XKR9: variants seen among roughly 807,000 people sequenced by gnomAD.
XKR9 encodes the protein XK-related protein 9.
Under a neutral mutation model 32.0 loss-of-function variants are expected in XKR9, and 32 were observed. The observed-to-expected ratio is 1.00, with a 90% CI of 0.76 to 1.34. The LOEUF (loss-of-function observed/expected upper bound fraction) is 1.34. Ranked by LOEUF, XKR9 falls within the 40% of genes most tolerant of loss-of-function variation. The pLI is 0.00. For missense variants in XKR9, 546 were observed against 429.7 expected, an observed-to-expected ratio of 1.27 and a Z score of -2.39; for synonymous variants, 168 against 143.4, an observed-to-expected ratio of 1.17 and a Z score of -1.22.
chr8:71,041,500 T>A, the XKR9 span, among the ~76,000 whole-genome samples: 1 of 152,176 alleles, frequency 6.6e-6, no homozygotes, highest in Admixed American at 6.5e-5. Context: ...CTATAATATA[T>A]GGCCCTAAAT....
At chr8:70,857,854 A>G in the XKR9 span, among the ~76,000 whole-genome samples, 3 of 152,216 alleles carry the variant, frequency 2.0e-5, no homozygotes, top group Non-Finnish European at 2.9e-5. Context: ...AACAGAACCA[A>G]TGACAAAAAC....
the XKR9 span, among the ~76,000 whole-genome samples, chr8:71,037,063 C>A: frequency 6.6e-6 from 1 of 151,934 alleles, no homozygotes; most frequent in Admixed American, 6.6e-5. Flanking sequence ...CAAGGGAGCA[C>A]CATGTTTGAA....
chr8:71,055,058 C>T, the XKR9 span, among the ~76,000 whole-genome samples: 3 of 152,032 alleles, frequency 2.0e-5, no homozygotes, highest in Admixed American at 1.3e-4. Flanking sequence ...AATGATGTCC[C>T]AGCCTAACAA....
At chr8:70,908,781 A>T in the XKR9 span, among the ~76,000 whole-genome samples, 2 of 152,222 alleles carry the variant, frequency 1.3e-5, no homozygotes, top group African/African-American at 4.8e-5. Flanking sequence ...ACCATTAAAG[A>T]TGTTAATAAC....
At chr8:70,674,587 G>C (rs1223968962) in intron 1 of XKR9, among the ~76,000 whole-genome samples, 1 of 152,144 alleles carries the variant, frequency 6.6e-6, no homozygotes, top group African/African-American at 2.4e-5. Flanking sequence ...GTATTTTCTT[G>C]ACTTATTTGA....
the XKR9 span, among the ~76,000 whole-genome samples, chr8:71,038,723 A>T: frequency 6.8e-6 from 1 of 147,864 alleles, no homozygotes; most frequent in South Asian, 2.2e-4. Context: ...CTCATGAATA[A>T]TTGTCCTAGC....
At chr8:70,965,582 G>T in the XKR9 span, among the ~76,000 whole-genome samples, 1 of 152,042 alleles carries the variant, frequency 6.6e-6, no homozygotes, top group East Asian at 1.9e-4. Context: ...CTGGTCCTGG[G>T]TTTTTTTGTT....
chr8:71,008,429 T>G, the XKR9 span, among the ~76,000 whole-genome samples: 4 of 152,182 alleles, frequency 2.6e-5, no homozygotes, highest in African/African-American at 9.7e-5. Flanking sequence ...ATAAGTTTGC[T>G]GTCATTCTTC....
At chr8:70,939,993 A>C in the XKR9 span, among the ~76,000 whole-genome samples, 1 of 152,062 alleles carries the variant, frequency 6.6e-6, no homozygotes, top group South Asian at 2.1e-4. Context: ...AATTTACCCA[A>C]AGCTAGTATG....
chr8:70,757,082 C>T (rs1352805697), intron 2 of XKR9, among the ~76,000 whole-genome samples: 1 of 151,838 alleles, frequency 6.6e-6, no homozygotes, highest in East Asian at 1.9e-4. Flanking sequence ...AATTCTTTTT[C>T]TGTGTCTATT....
At chr8:70,878,222 C>T in the XKR9 span, among the ~76,000 whole-genome samples, 5 of 152,058 alleles carry the variant, frequency 3.3e-5, no homozygotes, top group East Asian at 1.9e-4. Context: ...TAAAGACCAT[C>T]GATGCTATGA....
chr8:70,775,808 A>G (rs941823406), intron 2 of XKR9, among the ~76,000 whole-genome samples: 10 of 151,434 alleles, frequency 6.6e-5, no homozygotes, highest in African/African-American at 9.7e-5. Flanking sequence ...ACAGTGGCGC[A>G]ATCATGGCTC....
intron 4 of XKR9, among the ~76,000 whole-genome samples, chr8:70,715,099 T>G (rs567460928): frequency 6.6e-6 from 1 of 152,266 alleles, no homozygotes; most frequent in East Asian, 1.9e-4. Context: ...ACATTGGGAA[T>G]AAAAGGGCTG....
At chr8:70,715,684 A>T (rs569039223) in intron 4 of XKR9, among the ~76,000 whole-genome samples, 1 of 152,334 alleles carries the variant, frequency 6.6e-6, no homozygotes, top group Admixed American at 6.5e-5. Flanking sequence ...ATTTCAGAGA[A>T]GCAAAGAAAG....
At chr8:70,725,861 G>A (rs111388212) in intron 4 of XKR9, among the ~76,000 whole-genome samples, 1 of 152,212 alleles carries the variant, frequency 6.6e-6, no homozygotes, top group African/African-American at 2.4e-5. Flanking sequence ...AGCCTAGATT[G>A]CATCACTGTA....
chr8:70,795,231 T>C (rs1434667452), downstream of XKR9, among the ~76,000 whole-genome samples: 2 of 152,156 alleles, frequency 1.3e-5, no homozygotes, highest in Admixed American at 1.3e-4. Flanking sequence ...ACATACGATA[T>C]TTGGTTTTCT....
At chr8:70,740,255 C>T (rs928931467), downstream of XKR9, among the ~76,000 whole-genome samples, 61 of 152,296 alleles carry the variant, frequency 4.0e-4, no homozygotes, top group Non-Finnish European at 7.1e-4. Flanking sequence ...TCCAGTTGAT[C>T]GCATTGGCTC....
downstream of XKR9, among the ~76,000 whole-genome samples, chr8:70,794,341 A>G (rs1807801637): frequency 6.6e-6 from 1 of 151,894 alleles, no homozygotes; most frequent in African/African-American, 2.4e-5. Context: ...GATCCCTTTT[A>G]TTTCTTTCTC....
At chr8:70,828,553 G>A in the XKR9 span, among the ~76,000 whole-genome samples, 1 of 151,864 alleles carries the variant, frequency 6.6e-6, no homozygotes, top group Non-Finnish European at 1.5e-5. Flanking sequence ...GTGAAACCCC[G>A]TCTCTACTAA....
Sources: gnomAD v4.1 joint callset for allele counts (sites outside exome capture counted in the v4.1 genomes callset) on GRCh38, gnomAD v4.1.1 for gene constraint, MANE v1.5 for transcripts, NCBI Gene and HGNC (gene_info 2026-07-23, HGNC 2026-07-21) for gene names.